The following DGKB variants were observed in gnomAD, a reference collection of about 807,000 sequenced individuals.
DGKB encodes the protein diacylglycerol kinase beta.
Under a neutral mutation model 114.3 loss-of-function variants are expected in DGKB, and 67 were observed. The observed-to-expected ratio is 0.59, with a 90% CI of 0.48 to 0.72. DGKB has a LOEUF of 0.72. Among genes scored for constraint, DGKB ranks in the 30% least tolerant of loss-of-function variants. The pLI is 0.00. For synonymous variants in DGKB, 398 were observed against 323.1 expected (o/e 1.23, Z -2.49); for missense variants, 907 against 975.2 (o/e 0.93, Z 0.93).
At chr7:14,350,977 A>C (rs1562990334) in intron 21 of DGKB, among the ~76,000 whole-genome samples, 1 of 152,030 alleles carries the variant, frequency 6.6e-6, no homozygotes, top group Non-Finnish European at 1.5e-5. Context: ...TCTGGTTTTA[A>C]AATAATTTTC....
chr7:14,545,771 G>A (rs1794188221), intron 20 of DGKB, among the ~76,000 whole-genome samples: 1 of 152,160 alleles, frequency 6.6e-6, no homozygotes, highest in African/African-American at 2.4e-5. Flanking sequence ...TCGTATACTG[G>A]GTGAGAAAGA....
intron 23 of DGKB, among the ~76,000 whole-genome samples, chr7:14,301,668 T>C (rs1027990143): frequency 2.6e-5 from 4 of 152,158 alleles, no homozygotes; most frequent in African/African-American, 9.7e-5. Context: ...CATCTTTGTG[T>C]ATATATACAT....
intron 23 of DGKB, among the ~76,000 whole-genome samples, chr7:14,333,456 G>A (rs1363440948): frequency 4.0e-5 from 4 of 99,694 alleles, no homozygotes; most frequent in Admixed American, 1.1e-4. Flanking sequence ...GTGAGACTCC[G>A]TCTTAAAAAA....
intron 21 of DGKB, among the ~76,000 whole-genome samples, chr7:14,388,068 C>T (rs933520376): frequency 2.6e-5 from 4 of 151,174 alleles, no homozygotes; most frequent in East Asian, 1.9e-4. Flanking sequence ...TTAGTAGAGA[C>T]GGGTTTCACC....
chr7:14,638,277 G>A (rs1030652768), intron 13 of DGKB, among the ~76,000 whole-genome samples: 7 of 152,102 alleles, frequency 4.6e-5, no homozygotes, highest in Non-Finnish European at 5.9e-5. Context: ...GAGCCATTCC[G>A]GAAACTAAAT....
rs11971397 is a variant in DGKB at position 14,940,900 on chromosome 7, A to G, written c.-188+33796T>C. Among the ~76,000 whole-genome samples the G allele has an allele frequency of 2.9e-3, 438 of 152,188 alleles. 2 individuals carry two copies. The highest frequency in any genetic ancestry group is 9.9e-3 in the African/African-American group (411 of 41,536). ...AGATTCCAAGTATTTTATTTTATGA[A>G]GACACAGCATGATATTTACTGATTT... On this transcript the variant is annotated intron_variant, in intron 1 of 4. Coordinates refer to the DGKB transcript ENST00000437998.
intron 23 of DGKB, among the ~76,000 whole-genome samples, chr7:14,234,579 A>T (rs1441327761): frequency 2.0e-5 from 3 of 152,126 alleles, no homozygotes; most frequent in Non-Finnish European, 4.4e-5. Flanking sequence ...ATGTGAATGA[A>T]TTGTTTATGC....
chr7:14,564,527 G>A (rs1382275218), intron 20 of DGKB, among the ~76,000 whole-genome samples: 2 of 152,142 alleles, frequency 1.3e-5, no homozygotes, highest in East Asian at 3.8e-4. Flanking sequence ...ATGTTTGTCA[G>A]GGGAAGAAGA....
chr7:14,925,379 C>T lies in DGKB; in HGVS notation c.-188+49317G>A, dbSNP rs969898217. On this transcript the variant is annotated intron_variant, in intron 1 of 4. Transcript: ENST00000437998. ...CATGTATTTTGCGCATATTTTTAGG[C>T]AGATTGCCTGATTTTTACTGATGAG... Among the ~76,000 whole-genome samples, 8 of 152,208 alleles carry T rather than the reference C, an allele frequency of 5.3e-5. No homozygotes were observed. The Middle Eastern group carries it at 0.014, about 259-fold the overall frequency.
chr7:14,871,611 A>G (rs1365476933), intron 1 of DGKB, among the ~76,000 whole-genome samples: 1 of 152,174 alleles, frequency 6.6e-6, no homozygotes, highest in Non-Finnish European at 1.5e-5. Context: ...ATTTAGACTG[A>G]CTGAGAAGAA....
chr7:14,960,790 A>G (rs571824382), intron 1 of DGKB, among the ~76,000 whole-genome samples: 18 of 152,194 alleles, frequency 1.2e-4, no homozygotes, highest in African/African-American at 3.6e-4. Context: ...TGAATACTGT[A>G]TACTTTGTAC....
chr7:14,821,184 T>G (rs1254113622), intron 2 of DGKB, among the ~76,000 whole-genome samples: 1 of 152,172 alleles, frequency 6.6e-6, no homozygotes, highest in Non-Finnish European at 1.5e-5. Context: ...CCTAACAAGT[T>G]TCTTTCTATA....
At chr7:14,860,978 T>C (rs1215651071) in intron 1 of DGKB, among the ~76,000 whole-genome samples, 1 of 151,984 alleles carries the variant, frequency 6.6e-6, no homozygotes, top group Non-Finnish European at 1.5e-5. Flanking sequence ...CCACACTATA[T>C]CCCTGGCAAT....
At position 14,149,008 on chromosome 7, in the gene DGKB, C is replaced by A; in HGVS notation, c.*123G>T. ...TTTTACATTAGCTTAGTAACAAAAA[C>A]TGTTAAACCACTTCCATGATTTTGC... is the stretch of plus-strand genomic sequence containing the variant. On this transcript the variant is annotated 3_prime_UTR_variant, in exon 26 of 26. Transcript: ENST00000402815. The A allele has an allele frequency of 1.2e-6, 1 of 852,954 alleles. No homozygotes were observed. The highest frequency in any genetic ancestry group is 1.9e-6 in the Non-Finnish European group (1 of 525,552). 52.8% of individuals were successfully genotyped at this position (852,954 alleles called of 1,614,324 possible).
At chr7:14,199,718 A>G (rs536277596) in intron 23 of DGKB, among the ~76,000 whole-genome samples, 9 of 152,082 alleles carry the variant, frequency 5.9e-5, no homozygotes, top group Non-Finnish European at 1.2e-4. Flanking sequence ...CACTATAATG[A>G]AGCTCTTAAT....
chr7:14,676,199 G>A (rs895442816), intron 12 of DGKB, among the ~76,000 whole-genome samples: 2 of 151,984 alleles, frequency 1.3e-5, no homozygotes, highest in African/African-American at 4.8e-5. Flanking sequence ...TAAGATACTG[G>A]TAATATTTTG....
At chr7:14,696,340 A>C (rs185013567) in intron 8 of DGKB, among the ~76,000 whole-genome samples, 1,819 of 151,164 alleles carry the variant, frequency 0.012, 32 homozygotes, top group African/African-American at 0.041. Flanking sequence ...AAAAATACAA[A>C]AAAAATTAGC....
chr7:14,625,140 C>T (rs545821229), intron 14 of DGKB, among the ~76,000 whole-genome samples: 1 of 152,234 alleles, frequency 6.6e-6, no homozygotes, highest in Admixed American at 6.5e-5. Context: ...GTGTATCCAT[C>T]TGTCTGTGTA....
intron 23 of DGKB, among the ~76,000 whole-genome samples, chr7:14,301,670 T>C (rs192875984): frequency 6.6e-6 from 1 of 152,136 alleles, no homozygotes; most frequent in Non-Finnish European, 1.5e-5. Context: ...TCTTTGTGTA[T>C]ATATACATGA....
Sources: gnomAD v4.1 joint callset for allele counts (sites outside exome capture counted in the v4.1 genomes callset) on GRCh38, gnomAD v4.1.1 for gene constraint, MANE v1.5 for transcripts, NCBI Gene and HGNC (gene_info 2026-07-23, HGNC 2026-07-21) for gene names.